The following DNMT3A variants were observed in gnomAD, a reference collection of about 807,000 sequenced individuals.
DNMT3A encodes DNA (cytosine-5)-methyltransferase 3A.
DNMT3A carries 267 observed loss-of-function variants against 117.6 expected under a neutral mutation model. The ratio of observed to expected loss-of-function variants is 2.27; its 90% CI spans 2.05 to 2.51. The LOEUF (loss-of-function observed/expected upper bound fraction) is 2.51. DNMT3A is among the 30% of genes most tolerant of loss of function. DNMT3A has a pLI of 0.00. For missense variants in DNMT3A, 1,029 were observed against 1,260.2 expected (o/e 0.82, Z 2.78); for synonymous variants, 432 against 474.8 (o/e 0.91, Z 1.17).
chr2:25,318,998 C>T (rs2034490151), intron 1 of DNMT3A, among the ~76,000 whole-genome samples: 1 of 144,848 alleles, frequency 6.9e-6, no homozygotes, highest in African/African-American at 2.6e-5. Context: ...CACGCCTGGC[C>T]CTTTTCTTTT....
chr2:25,319,043 C>T (rs2034492696), intron 1 of DNMT3A, among the ~76,000 whole-genome samples: 1 of 142,014 alleles, frequency 7.0e-6, no homozygotes, highest in Non-Finnish European at 1.5e-5. Context: ...GAGACGGAGT[C>T]TTGCTCTGTC....
At chr2:25,283,803 G>C (rs963723225) in intron 3 of DNMT3A, among the ~76,000 whole-genome samples, 1 of 152,216 alleles carries the variant, frequency 6.6e-6, no homozygotes, top group African/African-American at 2.4e-5. Flanking sequence ...AATCCTGGCT[G>C]TCTGTGTGTG....
At chr2:25,316,684 G>A (rs2034394126) in intron 1 of DNMT3A, among the ~76,000 whole-genome samples, 1 of 152,194 alleles carries the variant, frequency 6.6e-6, no homozygotes, top group Admixed American at 6.5e-5. Context: ...CAACACAGCA[G>A]CGGGTGTCCA....
chr2:25,256,161 T>C (rs1280543307), intron 6 of DNMT3A, among the ~76,000 whole-genome samples: 1 of 152,126 alleles, frequency 6.6e-6, no homozygotes, highest in Non-Finnish European at 1.5e-5. Context: ...GGAGACCTGA[T>C]CCAGACAAAA....
chr2:25,283,412 AC>A (rs1483902181), intron 3 of DNMT3A, among the ~76,000 whole-genome samples: 1 of 148,206 alleles, frequency 6.7e-6, no homozygotes, highest in Non-Finnish European at 1.5e-5. Context: ...ATCCAATAAG[AC>A]CCCCCTCTCC....
rs1672951511 is a variant in DNMT3A, at chr2:25,233,002, T to G, written c.*1277A>C. The stretch of plus-strand genomic sequence containing the variant: ...ACGTTTTGTATGTTTTTTTATTTGC[T>G]CCAGGTGGGGTTTTGACTGTCACTT... On this transcript the variant is annotated 3_prime_UTR_variant, in exon 23 of 23. Transcript: ENST00000321117. The G allele has an allele frequency of 4.3e-6, 1 of 233,168 alleles. No homozygotes were observed. The highest frequency in any genetic ancestry group is 8.5e-6 in the Non-Finnish European group (1 of 117,996). 14.4% of individuals were successfully genotyped at this position (233,168 alleles called of 1,614,324 possible).
rs141015823 is a variant in DNMT3A at position 25,246,477 on chromosome 2, C to T, written c.1279+143G>A. ...GAGAGCAGGTCATTCAAGTCCTGAC[C>T]CCAGGGCAAGAGAGACCCCGGCTGT... On this transcript the variant is annotated intron_variant, in intron 10 of 22. Coordinates refer to ENST00000321117, the MANE Select transcript of DNMT3A (RefSeq NM_022552.5). 8.0e-4 allele frequency: 1,149 copies of T among 1,439,654 alleles called. 11 individuals carry two copies. The African/African-American group carries it at 0.015, about 19-fold the overall frequency. The allele number at this position is 1,439,654 out of a possible 1,614,324, so 89.2% of individuals were successfully genotyped here.
intron 3 of DNMT3A, among the ~76,000 whole-genome samples, chr2:25,292,743 T>G (rs946490364): frequency 2.6e-5 from 4 of 152,184 alleles, no homozygotes; most frequent in South Asian, 2.1e-4. Flanking sequence ...TCCAACTCGC[T>G]TATGTCTTTC....
Position 25,281,753 on chromosome 2 carries a change from G to A in DNMT3A, c.448+688C>T. ...GGCCCTGAAATTGCTGGCTTAACCT[G>A]AAAGAGAAAAGTGGGCAACTTTCCA... On this transcript the variant is annotated intron_variant, in intron 4 of 22. Transcript: ENST00000321117. This position sits in a 1 kb window ranked among gnomAD's most constrained non-coding sequence, Gnocchi z 4.8. The A allele has an allele frequency of 9.4e-7, 1 of 1,066,036 alleles. No individual in the cohort carries two copies. The highest frequency in any genetic ancestry group is 1.1e-6 in the Non-Finnish European group (1 of 879,724). 66.0% of individuals were successfully genotyped at this position (1,066,036 alleles called of 1,614,324 possible). A position where few individuals can be genotyped will look rare whatever the true frequency, so the allele number is the denominator to read the frequency against.
In DNMT3A at chr2:25,281,525, G is replaced by A. The variant is rs144980315; in HGVS notation, c.448+916C>T. 1 of 1,059,488 alleles carries A rather than the reference G, an allele frequency of 9.4e-7. No individual in the cohort carries two copies. The highest frequency in any genetic ancestry group is 1.1e-6 in the Non-Finnish European group (1 of 875,550). 65.6% of individuals were successfully genotyped at this position (1,059,488 alleles called of 1,614,324 possible). On this transcript the variant is annotated intron_variant, in intron 4 of 22. Coordinates refer to ENST00000321117, the MANE Select transcript of DNMT3A (RefSeq NM_022552.5). The surrounding 1 kb of genome is among the most constrained non-coding windows in gnomAD (Gnocchi z 4.8). ...ATTAGGTTGGATCCATGCAAAATAAGTTACGCCAATTAATCAATTTACTCA... is the reference window on the plus strand; with the variant it reads ...ATTAGGTTGGATCCATGCAAAATAAATTACGCCAATTAATCAATTTACTCA...
intron 1 of DNMT3A, among the ~76,000 whole-genome samples, chr2:25,329,135 C>T (rs1293806534): frequency 6.6e-6 from 1 of 152,190 alleles, no homozygotes; most frequent in Non-Finnish European, 1.5e-5. Context: ...TTCTCCTCAT[C>T]GTCTGTCCCA....
chr2:25,269,675 A>T (rs1224881345), intron 6 of DNMT3A, among the ~76,000 whole-genome samples: 1 of 152,144 alleles, frequency 6.6e-6, no homozygotes, highest in African/African-American at 2.4e-5. Context: ...GGGTGTGATC[A>T]TGATTAAAAC....
rs2033093599 is a variant in DNMT3A, at chr2:25,296,460, G to A, written c.177+3679C>T. 6.6e-6 allele frequency among the ~76,000 whole-genome samples: 1 copy of A among 152,198 alleles called. No homozygotes were observed. Among genetic ancestry groups the A allele is most frequent in the Non-Finnish European group, 1.5e-5 (1 of 68,044 alleles). On this transcript the variant is annotated intron_variant, in intron 3 of 22. Coordinates refer to ENST00000321117, the MANE Select transcript of DNMT3A (RefSeq NM_022552.5). This position sits in a 1 kb window ranked among gnomAD's most constrained non-coding sequence, Gnocchi z 4.2. ...AGGGAAAGGAGTGGTCAGATGGTGA[G>A]GGGCTGGAATTCAGATCTTGTCCCC...
intron 16 of DNMT3A, among the ~76,000 whole-genome samples, chr2:25,243,029 G>A (rs1558663239): frequency 1.3e-5 from 2 of 152,156 alleles, no homozygotes; most frequent in Non-Finnish European, 2.9e-5. Context: ...AGCTTTGGCC[G>A]GGTCTGGTGG....
chr2:25,300,515 G>A (rs1026908048), intron 2 of DNMT3A, among the ~76,000 whole-genome samples: 2 of 149,174 alleles, frequency 1.3e-5, no homozygotes, highest in Non-Finnish European at 3.0e-5. Flanking sequence ...GCCAAGGCAG[G>A]AGGATCCCTT....
At chr2:25,249,575 G>A (rs1675265031) in intron 6 of DNMT3A, 1 of 1,481,588 alleles carries the variant, frequency 6.7e-7, no homozygotes, top group Admixed American at 1.7e-5. Context: ...CTATAGACCA[G>A]GCGTGCTCTC....
chr2:25,260,696 G>T (rs72810054), intron 6 of DNMT3A, among the ~76,000 whole-genome samples: 1,618 of 152,174 alleles, frequency 0.011, 12 homozygotes, highest in Admixed American at 0.018. Flanking sequence ...ACATTCACAC[G>T]CACACTTGCA....
In DNMT3A at chr2:25,282,636, A is replaced by G. The variant is rs760236260; in HGVS notation, c.253T>C (p.Ser85Pro). 1 of 1,612,954 alleles carries G rather than the reference A, an allele frequency of 6.2e-7. No homozygotes were observed. The highest frequency in any genetic ancestry group is 8.5e-7 in the Non-Finnish European group (1 of 1,179,506). The change falls in exon 4 of 23, where the codon TCA becomes CCA. Residue 85 changes from serine (S) to proline (P), a missense_variant. Transcript: ENST00000321117. This position sits in a 1 kb window ranked among gnomAD's most constrained non-coding sequence, Gnocchi z 5.2. ...AAGTCCCCATTGGGTAATAGCTCTGAGGCGCCTGAGTCCTGGGCCATGGAT... is the reference window on the plus strand; with the variant it reads ...AAGTCCCCATTGGGTAATAGCTCTGGGGCGCCTGAGTCCTGGGCCATGGAT... ...SPSMAQDSGASELLPNGDLEK... is the reference protein window; with the variant it reads ...SPSMAQDSGAPELLPNGDLEK...
chr2:25,297,034 AG>A (rs2033129498), intron 3 of DNMT3A, among the ~76,000 whole-genome samples: 1 of 152,112 alleles, frequency 6.6e-6, no homozygotes, highest in African/African-American at 2.4e-5. Flanking sequence ...ATCTATTCCC[AG>A]GGCCACAGCT....
Sources: allele counts gnomAD v4.1 joint callset (sites outside exome capture counted in the v4.1 genomes callset), GRCh38; gene constraint gnomAD v4.1.1; non-coding constraint Gnocchi (gnomAD v3.1); transcripts MANE v1.5; gene names NCBI Gene and HGNC (gene_info 2026-07-23, HGNC 2026-07-21).